TNKS: variants seen among roughly 807,000 people sequenced by gnomAD.
The protein encoded by TNKS is poly [ADP-ribose] polymerase tankyrase-1.
In TNKS, 72 loss-of-function variants were observed where a neutral mutation model predicts 135.8. The observed-to-expected ratio is 0.53, with a 90% confidence interval of 0.44 to 0.64. The LOEUF is 0.64. TNKS is among the 30% of genes least tolerant of loss of function. TNKS has a pLI of 0.00. For missense variants in TNKS, 1,769 were observed against 1,674.0 expected (o/e 1.06, Z -0.99); for synonymous variants, 849 against 649.3 (o/e 1.31, Z -4.68).
In TNKS at chr8:9,603,102, G is replaced by C. The variant is rs574423932; in HGVS notation, c.899-12480G>C. 1.2e-3 allele frequency among the ~76,000 whole-genome samples: 190 copies of C among 152,100 alleles called. 3 individuals are homozygous for C. The highest frequency in any genetic ancestry group is 9.6e-3 in the South Asian group (46 of 4,810). ...GAGTCTCGCTTTATCGCCCAGGCTG[G>C]AGTACAGTGGCGCGATCTTGGCTCA... On this transcript the variant is annotated intron_variant, in intron 2 of 26. Transcript: ENST00000310430.
intron 3 of TNKS, among the ~76,000 whole-genome samples, chr8:9,672,259 G>T (rs1334424242): frequency 6.6e-6 from 1 of 152,114 alleles, no homozygotes; most frequent in Non-Finnish European, 1.5e-5. Flanking sequence ...GGTAGGTACC[G>T]TCCGCAGTTT....
intron 5 of TNKS, among the ~76,000 whole-genome samples, chr8:9,694,981 C>G (rs916730604): frequency 2.0e-5 from 3 of 152,018 alleles, no homozygotes; most frequent in Non-Finnish European, 4.4e-5. Context: ...AAAAACTTCC[C>G]CAGCATTATC....
intron 11 of TNKS, among the ~76,000 whole-genome samples, chr8:9,711,783 G>A (rs559006425): frequency 6.6e-6 from 1 of 152,150 alleles, no homozygotes; most frequent in Non-Finnish European, 1.5e-5. Flanking sequence ...TGAAGAGAAC[G>A]TTTTGAACAT....
At chr8:9,770,043 G>C (rs1451605949) in intron 25 of TNKS, 63 bp from the exon 26 acceptor site, 3 of 1,437,374 alleles carry the variant, frequency 2.1e-6, no homozygotes, top group African/African-American at 2.8e-5. Context: ...AATAGATCTA[G>C]CAGTTATATT....
rs374807144 is a variant in TNKS at position 9,710,219 on chromosome 8, A to G, written c.1748A>G (p.Lys583Arg). The change falls in exon 11 of 27, where the codon AAG (lysine) becomes AGG (arginine). Residue 583 changes from lysine to arginine, a missense_variant and splice_region_variant. This residue lies in a region of TNKS where 523 missense variants were observed against 541.0 expected (regional missense o/e 0.97). Transcript: ENST00000310430. ...VMEVLHKHGA[K>R]MNALDTLGQT... ...GAAGTTCTGCATAAGCATGGCGCCA[A>G]GGTGAGGCACACACCTGAGCAGAGT... 16 of 1,614,076 alleles carry G rather than the reference A, an allele frequency of 9.9e-6. No homozygotes were observed. Among genetic ancestry groups the G allele is most frequent in the African/African-American group, 1.3e-5 (1 of 74,956 alleles).
chr8:9,598,411 A>G (rs1173455749), intron 2 of TNKS, among the ~76,000 whole-genome samples: 1 of 152,134 alleles, frequency 6.6e-6, no homozygotes, highest in African/African-American at 2.4e-5. Context: ...CTATTATGGT[A>G]CAGGTTTAAT....
At chr8:9,635,406 A>C (rs1800472864) in intron 3 of TNKS, among the ~76,000 whole-genome samples, 1 of 152,184 alleles carries the variant, frequency 6.6e-6, no homozygotes, top group Non-Finnish European at 1.5e-5. Context: ...ATGCCTACTA[A>C]TCAATGTGGA....
intron 1 of TNKS, chr8:9,566,553 C>G (rs1457686921): frequency 7.1e-6 from 1 of 140,156 alleles, no homozygotes; most frequent in Non-Finnish European, 1.5e-5. Context: ...TTCTGACATT[C>G]TTAAGTACAT....
intron 1 of TNKS, among the ~76,000 whole-genome samples, chr8:9,567,176 C>A (rs1585174989): frequency 6.6e-6 from 1 of 152,316 alleles, no homozygotes; most frequent in South Asian, 2.1e-4. Flanking sequence ...ATCTTCCCAC[C>A]CCAAGGGAGC....
At chr8:9,560,875 A>G (rs1251225648) in intron 1 of TNKS, among the ~76,000 whole-genome samples, 5 of 152,288 alleles carry the variant, frequency 3.3e-5, no homozygotes, top group Non-Finnish European at 1.5e-5. Context: ...AAAAGTTTAC[A>G]GAGAACTTTT....
chr8:9,579,356 G>T (rs1183188025), intron 1 of TNKS, among the ~76,000 whole-genome samples: 2 of 152,100 alleles, frequency 1.3e-5, no homozygotes, highest in Admixed American at 6.5e-5. Context: ...CTTTGACCAA[G>T]CGTTCACCAT....
chr8:9,735,193 T>C, intron 16 of TNKS, 109 bp downstream of exon 16: 1 of 1,176,042 alleles, frequency 8.5e-7, no homozygotes, highest in Non-Finnish European at 1.2e-6. Context: ...CTTAGTAAAA[T>C]GCTCTTGATT....
chr8:9,720,848 T>C (rs1224371224), intron 12 of TNKS, among the ~76,000 whole-genome samples: 2 of 152,198 alleles, frequency 1.3e-5, no homozygotes, highest in African/African-American at 4.8e-5. Context: ...ATAAAATCTA[T>C]CAAATAGAGA....
At chr8:9,699,335 G>A (rs1390148154) in intron 5 of TNKS, among the ~76,000 whole-genome samples, 3 of 152,154 alleles carry the variant, frequency 2.0e-5, no homozygotes, top group African/African-American at 7.2e-5. Flanking sequence ...TAGTCCTAGG[G>A]TGTGTGATTT....
intron 11 of TNKS, 73 bp from the exon 12 acceptor site, chr8:9,720,301 A>G (rs1804811262): frequency 2.3e-6 from 3 of 1,321,048 alleles, no homozygotes; most frequent in African/African-American, 1.5e-5. Flanking sequence ...TTTCATAAGA[A>G]TGTATTTTCT....
chr8:9,620,717 A>T (rs1430402478), intron 3 of TNKS, among the ~76,000 whole-genome samples: 1 of 152,142 alleles, frequency 6.6e-6, no homozygotes, highest in Non-Finnish European at 1.5e-5. Flanking sequence ...CTGAAACTGG[A>T]ACACTTCCCC....
rs989642869 is a variant in TNKS at position 9,699,451 on chromosome 8, A to G, written c.1108-5212A>G. ...GCTTTTAGTGGCATGAGTTTGCGCA[A>G]ATCATCCTTTTTTTTCTCAATTTGT... On this transcript the variant is annotated intron_variant, in intron 5 of 26. Transcript: ENST00000310430. Among the ~76,000 whole-genome samples the G allele has an allele frequency of 1.6e-4, 25 of 152,122 alleles. 1 individual carries two copies. Among genetic ancestry groups the G allele is most frequent in the Admixed American group, 1.4e-3 (22 of 15,266 alleles).
chr8:9,772,841 G>GTC (rs1279618303), intron 26 of TNKS, among the ~76,000 whole-genome samples: 37 of 138,372 alleles, frequency 2.7e-4, no homozygotes, highest in African/African-American at 9.9e-4. Context: ...CTGTGTGTGT[G>GTC]TGTGTGTGTG....
At chr8:9,642,329 T>G (rs1377956478) in intron 3 of TNKS, among the ~76,000 whole-genome samples, 1 of 146,712 alleles carries the variant, frequency 6.8e-6, no homozygotes, top group Non-Finnish European at 1.5e-5. Context: ...TAGTTTTCCT[T>G]AATTATTGTA....
Sources: gnomAD v4.1 joint callset for allele counts (sites outside exome capture counted in the v4.1 genomes callset) on GRCh38, gnomAD v4.1.1 for gene constraint, gnomAD v4.1.1 regional missense constraint, MANE v1.5 for transcripts, NCBI Gene and HGNC (gene_info 2026-07-23, HGNC 2026-07-21) for gene names.